FAM227B: variants seen among roughly 807,000 people sequenced by gnomAD.
FAM227B encodes the protein protein FAM227B.
Under a neutral mutation model 73.8 loss-of-function variants are expected in FAM227B, and 88 were observed. That is an observed-to-expected ratio of 1.19 (90% CI 1.00 to 1.42). The LOEUF is 1.42. Ranked by LOEUF, FAM227B falls within the 40% of genes most tolerant of loss-of-function variation. The pLI is 0.00. For synonymous variants in FAM227B, 210 were observed against 190.5 expected (o/e 1.10, Z -0.84); for missense variants, 632 against 590.9 (o/e 1.07, Z -0.72).
intron 11 of FAM227B, among the ~76,000 whole-genome samples, chr15:49,479,423 C>G (rs144205305): frequency 0.011 from 1,732 of 152,020 alleles, 14 homozygotes; most frequent in Middle Eastern, 0.037. Context: ...GAAAGACAGC[C>G]TCTTCTATTT....
intron 10 of FAM227B, among the ~76,000 whole-genome samples, chr15:49,512,922 G>A (rs1260218720): frequency 3.3e-5 from 5 of 152,068 alleles, no homozygotes; most frequent in African/African-American, 1.2e-4. Flanking sequence ...CCCTGCAGAG[G>A]GCATGATCTG....
chr15:49,481,234 A>C (rs1341759841), intron 11 of FAM227B, among the ~76,000 whole-genome samples: 1 of 152,328 alleles, frequency 6.6e-6, no homozygotes, highest in East Asian at 1.9e-4. Flanking sequence ...TTTTGTCATA[A>C]AAGTAATGGC....
chr15:49,440,245 G>A (rs1047239010), intron 11 of FAM227B, among the ~76,000 whole-genome samples: 3 of 151,662 alleles, frequency 2.0e-5, no homozygotes, highest in African/African-American at 7.3e-5. Context: ...AAGCTTAGCT[G>A]ATTTCCTTCT....
Position 49,489,883 on chromosome 15 carries a change from T to TATATATATATAG in FAM227B, c.1012+18327_1012+18328insCTATATATATAT, listed in dbSNP as rs1555505060. On this transcript the variant is annotated intron_variant, in intron 11 of 15. Transcript: ENST00000299338. ...TTTTATATATATATATATATATATA[T>TATATATATATAG]AGAGAGAGAGAGAGAGAGAGAGAGA... Among the ~76,000 whole-genome samples, 15 of 22,950 alleles carry TATATATATATAG rather than the reference T, an allele frequency of 6.5e-4. 3 individuals are homozygous for TATATATATATAG. The highest frequency in any genetic ancestry group is 1.4e-3 in the African/African-American group (12 of 8,600). 15.1% of individuals were successfully genotyped at this position (22,950 alleles called of 152,430 possible).
chr15:49,471,252 G>A (rs1180339316), intron 11 of FAM227B, among the ~76,000 whole-genome samples: 1 of 51,498 alleles, frequency 1.9e-5, no homozygotes, highest in East Asian at 6.6e-4. Flanking sequence ...TTGGGAGGCC[G>A]AGGTGGGTGG....
At chr15:49,478,849 T>C (rs1356396941) in intron 11 of FAM227B, among the ~76,000 whole-genome samples, 2 of 152,148 alleles carry the variant, frequency 1.3e-5, no homozygotes, top group East Asian at 3.8e-4. Context: ...AATAGGAAAG[T>C]TAAAGCACTT....
At chr15:49,366,415 C>T (rs1440566154) in intron 13 of FAM227B, 3 of 847,970 alleles carry the variant, frequency 3.5e-6, no homozygotes, top group Non-Finnish European at 6.2e-6. Context: ...TGCCCCATTG[C>T]ACCACAACTG....
chr15:49,348,436 C>T (rs191889122), intron 13 of FAM227B, among the ~76,000 whole-genome samples: 12 of 152,212 alleles, frequency 7.9e-5, no homozygotes, highest in African/African-American at 2.6e-4. Context: ...ACTAAAAAAA[C>T]AGAAAACAGA....
intron 11 of FAM227B, among the ~76,000 whole-genome samples, chr15:49,380,212 G>A (rs2046433353): frequency 6.6e-6 from 1 of 152,124 alleles, no homozygotes; most frequent in African/African-American, 2.4e-5. Context: ...TTCCCTTAAG[G>A]CCCACAAGCT....
chr15:49,480,518 G>C (rs1357282125), intron 11 of FAM227B, among the ~76,000 whole-genome samples: 1 of 122,146 alleles, frequency 8.2e-6, no homozygotes, highest in Non-Finnish European at 1.6e-5. Flanking sequence ...GTCTCACTCT[G>C]TTGCCTAGGC....
At chr15:49,364,349 T>C (rs754666036) in intron 13 of FAM227B, among the ~76,000 whole-genome samples, 3 of 152,186 alleles carry the variant, frequency 2.0e-5, no homozygotes, top group Non-Finnish European at 2.9e-5. Flanking sequence ...TAGTAGGTTG[T>C]ATGTTCCAGG....
chr15:49,396,002 G>A (rs2047564778), intron 11 of FAM227B: 2 of 455,766 alleles, frequency 4.4e-6, no homozygotes, highest in African/African-American at 2.0e-5. Context: ...AGCCAAGATG[G>A]CCAAATAGGA....
chr15:49,554,183 T>G (rs768242351), intron 9 of FAM227B, among the ~76,000 whole-genome samples: 1 of 151,936 alleles, frequency 6.6e-6, no homozygotes, highest in Non-Finnish European at 1.5e-5. Flanking sequence ...CAAGTCAAAG[T>G]CCTCCCCACT....
intron 3 of FAM227B, among the ~76,000 whole-genome samples, chr15:49,602,763 A>G (rs1315940654): frequency 6.6e-6 from 1 of 152,196 alleles, no homozygotes; most frequent in Non-Finnish European, 1.5e-5. Context: ...TTCTTGTAGT[A>G]GTTTCATAGT....
At chr15:49,489,844 TATATATATATATATTTTA>T (rs2056836698) in intron 11 of FAM227B, among the ~76,000 whole-genome samples, 1 of 13,254 alleles carries the variant, frequency 7.5e-5, no homozygotes, top group African/African-American at 2.1e-4. Flanking sequence ...ATATATTTTA[TATATATATATATATTTTA>T]TATATATATA....
Position 49,491,207 on chromosome 15 carries a change from T to C in FAM227B, c.1012+17004A>G, listed in dbSNP as rs1279817470. On this transcript the variant is annotated intron_variant, in intron 11 of 15. Coordinates refer to ENST00000299338, the MANE Select transcript of FAM227B (RefSeq NM_152647.3). The stretch of plus-strand genomic sequence containing the variant: ...ATCCTCCTACAGCTTTATTACTTCA[T>C]GCCTAGAATTTAGCAATAGCTCCTT... Among the ~76,000 whole-genome samples the C allele has an allele frequency of 2.0e-5, 3 of 151,906 alleles. No homozygotes were observed. The East Asian group carries it at 5.8e-4, about 29-fold the overall frequency.
intron 11 of FAM227B, among the ~76,000 whole-genome samples, chr15:49,395,686 G>T (rs1056289730): frequency 6.6e-6 from 1 of 152,172 alleles, no homozygotes; most frequent in Non-Finnish European, 1.5e-5. Context: ...GCTGAGGCAG[G>T]GCTGGGTCAG....
At chr15:49,352,816 G>A (rs1052418294) in intron 13 of FAM227B, among the ~76,000 whole-genome samples, 1 of 152,036 alleles carries the variant, frequency 6.6e-6, no homozygotes, top group African/African-American at 2.4e-5. Context: ...TCCCTATCTT[G>A]CAAAGCCTGC....
Position 49,489,802 on chromosome 15 carries a change from T to TTTATATATATATATATA in FAM227B, c.1012+18392_1012+18408dup, listed in dbSNP as rs1567380856. 1.4e-3 allele frequency among the ~76,000 whole-genome samples: 73 copies of TTTATATATATATATATA among 50,976 alleles called. 9 individuals carry two copies. Among genetic ancestry groups the TTTATATATATATATATA allele is most frequent in the Non-Finnish European group, 2.4e-3 (61 of 25,594 alleles). The allele number at this position is 50,976 out of a possible 152,430, so 33.4% of individuals were successfully genotyped here. ...CAGAACAGGAGATATATATATATAT[T>TTTATATATATATATATA]TTATATATATATATATATTTTATAT... On this transcript the variant is annotated intron_variant, in intron 11 of 15. Coordinates refer to ENST00000299338, the MANE Select transcript of FAM227B (RefSeq NM_152647.3).
Sources: allele counts gnomAD v4.1 joint callset (sites outside exome capture counted in the v4.1 genomes callset), GRCh38; gene constraint gnomAD v4.1.1; transcripts MANE v1.5; gene names NCBI Gene and HGNC (gene_info 2026-07-23, HGNC 2026-07-21).